Variants in POLD3 observed in about 807,000 individuals in gnomAD.
POLD3 encodes the protein DNA polymerase delta subunit 3.
A neutral mutation model predicts 58.2 loss-of-function variants in POLD3; 19 were observed. The observed-to-expected ratio is 0.33, with a 90% CI of 0.23 to 0.48. The LOEUF (loss-of-function observed/expected upper bound fraction) is 0.48. Among genes scored for constraint, POLD3 ranks in the 20% least tolerant of loss-of-function variants. The probability of loss-of-function intolerance (pLI) is 0.99; values close to 1 mark genes in which losing one functional copy is unlikely to be tolerated. For synonymous variants in POLD3, 172 were observed against 193.5 expected (o/e 0.89, Z 0.92); for missense variants, 504 against 545.5 (o/e 0.92, Z 0.76).
At chr11:74,650,353 TC>T (rs1425733662) in intron 4 of POLD3, among the ~76,000 whole-genome samples, 2 of 152,148 alleles carry the variant, frequency 1.3e-5, no homozygotes, top group Non-Finnish European at 2.9e-5. Flanking sequence ...AATTCCTGAC[TC>T]CCCTTTGTCC....
In POLD3 at chr11:74,658,259, T is replaced by C. The variant is rs184988651; in HGVS notation, c.370-10518T>C. Among the ~76,000 whole-genome samples, 414 of 152,242 alleles carry C rather than the reference T, an allele frequency of 2.7e-3. 1 individual carries two copies. The highest frequency in any genetic ancestry group is 8.3e-3 in the South Asian group (40 of 4,816). On this transcript the variant is annotated intron_variant, in intron 4 of 4. Transcript: ENST00000524752. ...AACACATCAGATCTTGTGAGACTTA[T>C]TATCACAAAAATAGCACAGGAAAGA... is the stretch of plus-strand genomic sequence containing the variant.
intron 4 of POLD3, among the ~76,000 whole-genome samples, chr11:74,661,825 G>A (rs1261199852): frequency 6.6e-6 from 1 of 152,238 alleles, no homozygotes. Context: ...CTGGGAGCCA[G>A]GGACTGGAGT....
intron 3 of POLD3, among the ~76,000 whole-genome samples, chr11:74,606,841 CTAAGTA>C (rs1169164512): frequency 7.9e-5 from 12 of 152,198 alleles, no homozygotes; most frequent in Admixed American, 4.6e-4. Context: ...TCTTCTGTTT[CTAAGTA>C]TAAGATGGCA....
Position 74,609,345 on chromosome 11 carries a change from G to GATATATAT in POLD3, c.220-2133_220-2126dup, listed in dbSNP as rs1227959905. ...TTTGCCTTCTCCTTCCATTGTTTTT[G>GATATATAT]ATATATATATATATATATATATATA... On this transcript the variant is annotated intron_variant, in intron 3 of 11. Transcript: ENST00000263681. Among the ~76,000 whole-genome samples the GATATATAT allele has an allele frequency of 1.2e-3, 53 of 42,634 alleles. 1 individual carries two copies. Among genetic ancestry groups the GATATATAT allele is most frequent in the African/African-American group, 5.8e-3 (45 of 7,756 alleles). 28.0% of individuals were successfully genotyped at this position (42,634 alleles called of 152,430 possible).
Position 74,637,239 on chromosome 11 carries a change from C to T in POLD3, c.1198+964C>T, listed in dbSNP as rs952220126. ...TCCAGGTTCTTAAAACTAGTGAAGACATTTTGTCATCTGTGCTCCCTGTCC... is the reference window on the plus strand; with the variant it reads ...TCCAGGTTCTTAAAACTAGTGAAGATATTTTGTCATCTGTGCTCCCTGTCC... On this transcript the variant is annotated intron_variant, in intron 11 of 11. Coordinates refer to ENST00000263681, the MANE Select transcript of POLD3 (RefSeq NM_006591.3). 3.3e-5 allele frequency among the ~76,000 whole-genome samples: 5 copies of T among 152,048 alleles called. No individual in the cohort carries two copies. In the South Asian group the frequency reaches 6.2e-4, roughly 19 times the overall value.
intron 4 of POLD3, among the ~76,000 whole-genome samples, chr11:74,666,447 C>T (rs2033269517): frequency 1.3e-5 from 2 of 152,056 alleles, no homozygotes; most frequent in Admixed American, 1.3e-4. Flanking sequence ...ATGGTGAAAC[C>T]CTGTCTCTAC....
rs1442447587 is a variant in POLD3, at chr11:74,625,428, G to T, written c.754G>T (p.Asp252Tyr). ...AAMNKFKVNL[D>Y]SEQAVKEEKI... Reference sequence around the variant, plus strand: ...TATAGATAAATTTAAAGTCAATTTGGACTCAGAACAAGCAGTGAAAGAAGA... The same window carrying T: ...TATAGATAAATTTAAAGTCAATTTGTACTCAGAACAAGCAGTGAAAGAAGA... Residue 252 changes from aspartate to tyrosine, a missense_variant, in exon 8 of 12, where the codon GAC becomes TAC. By Grantham distance (160) the Asp-to-Tyr change is radical. Coordinates refer to ENST00000263681, the MANE Select transcript of POLD3 (RefSeq NM_006591.3). The T allele has an allele frequency of 6.2e-7, 1 of 1,608,074 alleles. No homozygotes were observed. The highest frequency in any genetic ancestry group is 2.2e-5 in the East Asian group (1 of 44,858).
chr11:74,648,077 A>G (rs2033022797), intron 4 of POLD3, among the ~76,000 whole-genome samples: 1 of 152,226 alleles, frequency 6.6e-6, no homozygotes, highest in Non-Finnish European at 1.5e-5. Context: ...AAAGTTAGAG[A>G]AACTAGTATA....
intron 5 of POLD3, among the ~76,000 whole-genome samples, chr11:74,616,090 C>G (rs1235259210): frequency 6.6e-6 from 1 of 151,978 alleles, no homozygotes; most frequent in African/African-American, 2.4e-5. Context: ...ATTCCAGGCT[C>G]TAAAAATCAG....
intron 7 of POLD3, among the ~76,000 whole-genome samples, chr11:74,624,790 A>G (rs1218139826): frequency 6.6e-6 from 1 of 152,184 alleles, no homozygotes; most frequent in Non-Finnish European, 1.5e-5. Context: ...CTTTTCTGTC[A>G]GTGTTACCTG....
intron 11 of POLD3, among the ~76,000 whole-genome samples, chr11:74,639,669 G>A (rs978635900): frequency 4.5e-5 from 6 of 133,118 alleles, no homozygotes; most frequent in Non-Finnish European, 8.3e-5. Context: ...GTTATGTGAC[G>A]TCATGGCTGG....
chr11:74,609,155 CTGCTAAGGA>C (rs967104810), intron 3 of POLD3, among the ~76,000 whole-genome samples: 25 of 151,534 alleles, frequency 1.6e-4, no homozygotes, highest in African/African-American at 5.3e-4. Flanking sequence ...AGGATATGTC[CTGCTAAGGA>C]TGCACAGTCA....
intron 3 of POLD3, among the ~76,000 whole-genome samples, chr11:74,605,672 G>A (rs1371845532): frequency 2.0e-5 from 3 of 152,124 alleles, no homozygotes; most frequent in Non-Finnish European, 4.4e-5. Context: ...TCAGAGATCC[G>A]CTGTTTTCCT....
chr11:74,597,389 C>T (rs1292044642), intron 2 of POLD3, among the ~76,000 whole-genome samples: 1 of 152,090 alleles, frequency 6.6e-6, no homozygotes, highest in Non-Finnish European at 1.5e-5. Context: ...ATTCTGTAAT[C>T]CACTTAGAGT....
intron 9 of POLD3, among the ~76,000 whole-genome samples, chr11:74,633,718 C>T (rs934633385): frequency 1.3e-5 from 2 of 152,160 alleles, no homozygotes; most frequent in African/African-American, 2.4e-5. Context: ...GATGGGATCC[C>T]TCTGGTGGTG....
At chr11:74,594,374 C>T (rs966761724) in intron 2 of POLD3, among the ~76,000 whole-genome samples, 5 of 152,168 alleles carry the variant, frequency 3.3e-5, no homozygotes, top group Non-Finnish European at 7.3e-5. Flanking sequence ...CCACCCTACT[C>T]CAATATGACC....
chr11:74,609,372 ATTTTTTTTTTTTTTTT>A (rs869157886), intron 3 of POLD3, among the ~76,000 whole-genome samples: 7 of 27,208 alleles, frequency 2.6e-4, no homozygotes, highest in Admixed American at 5.1e-4. Flanking sequence ...ATATATATAT[ATTTTTTTTTTTTTTTT>A]TTTTTTTTTT....
At chr11:74,596,015 ATT>A (rs1169677771) in intron 2 of POLD3, among the ~76,000 whole-genome samples, 1 of 132,882 alleles carries the variant, frequency 7.5e-6, no homozygotes, top group East Asian at 2.1e-4. Context: ...AAATGATTAA[ATT>A]TTTTTTAATC....
chr11:74,626,288 A>G (rs1312445999), intron 8 of POLD3, among the ~76,000 whole-genome samples: 1 of 152,204 alleles, frequency 6.6e-6, no homozygotes, highest in Non-Finnish European at 1.5e-5. Context: ...TAAAATGTCC[A>G]CAACCATGGG....
Sources: allele counts gnomAD v4.1 joint callset (sites outside exome capture counted in the v4.1 genomes callset), GRCh38; gene constraint gnomAD v4.1.1; transcripts MANE v1.5; gene names NCBI Gene and HGNC (gene_info 2026-07-23, HGNC 2026-07-21).